The following SLC25A53 variants were observed in gnomAD, a reference collection of about 807,000 sequenced individuals.
SLC25A53 encodes the protein solute carrier family 25 member 53.
A neutral mutation model predicts 15.0 loss-of-function variants in SLC25A53; 5 were observed. That is an observed-to-expected ratio of 0.33 (90% confidence interval 0.17 to 0.70). The LOEUF is 0.70. Among genes scored for constraint, SLC25A53 ranks in the 30% least tolerant of loss-of-function variants. The pLI, the probability that SLC25A53 is intolerant of heterozygous loss-of-function variation, is 0.67. For synonymous variants in SLC25A53, 95 were observed against 100.0 expected (o/e 0.95, Z 0.30); for missense variants, 216 against 241.6 (o/e 0.89, Z 0.70).
intron 1 of SLC25A53, among the ~76,000 whole-genome samples, chrX:104,124,839 C>CTTTTTTT (rs34662574): frequency 1.1e-4 from 7 of 62,276 alleles, no homozygotes; most frequent in Non-Finnish European, 2.1e-4. Flanking sequence ...AACTTTTTTC[C>CTTTTTTT]TTTTTTTTTT....
rs1164319636 is a variant in SLC25A53 at position 104,105,184 on chromosome X, C to T, written c.74G>A (p.Ser25Asn). 8.3e-7 allele frequency: 1 copy of T among 1,210,864 alleles called. No homozygotes were observed. The highest frequency in any genetic ancestry group is 2.2e-5 in the Admixed American group (1 of 45,904). Residue 25 changes from serine (S) to asparagine (N), a missense_variant, in exon 2 of 2, where the codon AGC becomes AAC. By Grantham distance (46) the Ser-to-Asn change is conservative. Coordinates refer to ENST00000594199, the MANE Select transcript of SLC25A53 (RefSeq NM_001012755.5). The part of the protein sequence containing the change: ...RTRAEAPGKK[S>N]WHSQAYALGA... ...AAGGGCATAGGCCTGGGAATGCCAG[C>T]TTTTCTTTCCTGGAGCCTCTGCTCG...
At chrX:104,114,699 C>T (rs1556360610) in intron 1 of SLC25A53, 1 of 1,210,229 alleles carries the variant, frequency 8.3e-7, no homozygotes, top group Middle Eastern at 2.3e-4. Context: ...AGCATCTTCT[C>T]AGGATGTATG....
intron 1 of SLC25A53, among the ~76,000 whole-genome samples, chrX:104,142,515 T>C (rs188604754): frequency 1.9e-4 from 21 of 111,211 alleles, no homozygotes; most frequent in Non-Finnish European, 3.2e-4. Flanking sequence ...GTAGAAATCG[T>C]TTTTTATAAA....
chrX:104,106,672 G>C (rs782407411), intron 1 of SLC25A53, among the ~76,000 whole-genome samples: 51 of 111,322 alleles, frequency 4.6e-4, no homozygotes, highest in Non-Finnish European at 8.7e-4. Flanking sequence ...GCCACACACT[G>C]CAAGAAGCCC....
chrX:104,144,195 C>CG (rs1373624880), intron 1 of SLC25A53, among the ~76,000 whole-genome samples: 7 of 111,594 alleles, frequency 6.3e-5, no homozygotes, highest in Non-Finnish European at 1.3e-4. Context: ...CATCAACTAA[C>CG]GGGCAAAATA....
intron 1 of SLC25A53, among the ~76,000 whole-genome samples, chrX:104,152,578 C>T (rs1039106407): frequency 4.5e-5 from 5 of 110,999 alleles, no homozygotes; most frequent in Admixed American, 9.6e-5. Context: ...CCTGGGATTA[C>T]AGGCACCTGC....
intron 1 of SLC25A53, chrX:104,114,421 G>A (rs868947635): frequency 2.5e-6 from 3 of 1,210,036 alleles, no homozygotes; most frequent in Non-Finnish European, 3.4e-6. Context: ...GCTTCAGGCG[G>A]CCAACCCCAA....
chrX:104,143,092 G>A (rs2075455605), intron 1 of SLC25A53, among the ~76,000 whole-genome samples: 3 of 110,789 alleles, frequency 2.7e-5, no homozygotes, highest in African/African-American at 6.6e-5. Context: ...AAACCCCATC[G>A]GTAGGTCACG....
Position 104,139,964 on chromosome X carries a change from G to A in SLC25A53, c.-32+16914C>T, listed in dbSNP as rs184260674. On this transcript the variant is annotated intron_variant, in intron 1 of 1. Transcript: ENST00000594199. ...AACTTCTCACCAAACCTGTGAAGCA[G>A]GTAGATATTCCCATTTTACAAATAT... 6.2e-5 allele frequency among the ~76,000 whole-genome samples: 7 copies of A among 113,169 alleles called. No individual in the cohort carries two copies. In the East Asian group the frequency reaches 1.1e-3, roughly 18 times the overall value.
chrX:104,132,619 C>T (rs782752891), intron 1 of SLC25A53, among the ~76,000 whole-genome samples: 2 of 111,892 alleles, frequency 1.8e-5, no homozygotes, highest in African/African-American at 3.3e-5. Flanking sequence ...CAACTATACA[C>T]CCTGGACAAA....
At chrX:104,120,742 T>C (rs1163248235) in intron 1 of SLC25A53, among the ~76,000 whole-genome samples, 5 of 112,099 alleles carry the variant, frequency 4.5e-5, no homozygotes, top group African/African-American at 1.6e-4. Flanking sequence ...TCTTGTCCTA[T>C]TCCTGAACTC....
chrX:104,110,355 G>C (rs1307006550), intron 1 of SLC25A53, among the ~76,000 whole-genome samples: 1 of 111,292 alleles, frequency 9.0e-6, no homozygotes, highest in African/African-American at 3.3e-5. Flanking sequence ...ACACTTTCCA[G>C]CCTCCACCAC....
Position 104,104,782 on chromosome X carries a change from T to C in SLC25A53, c.476A>G (p.Lys159Arg), listed in dbSNP as rs1556354946. Residue 159 changes from lysine (K) to arginine (R), a missense_variant, in exon 2 of 2, where the codon AAG becomes AGG. Lys to Arg is a conservative substitution (Grantham distance 26). Transcript: ENST00000594199. The stretch of plus-strand genomic sequence containing the variant: ...CCAAAGCCCATAAGAATTGAATTCC[T>C]TGAGAATGCTGAAGGTGCTGGGGAA... ...ARFPSTFSIL[K>R]EFNSYGLWGR... is the part of the protein sequence containing the mutation. The C allele has an allele frequency of 8.3e-7, 1 of 1,211,529 alleles. No homozygotes were observed. The highest frequency in any genetic ancestry group is 2.2e-5 in the Admixed American group (1 of 46,023).
At chrX:104,119,255 TC>T (rs782066977) in intron 1 of SLC25A53, among the ~76,000 whole-genome samples, 87 of 112,427 alleles carry the variant, frequency 7.7e-4, no homozygotes, top group Middle Eastern at 4.6e-3. Flanking sequence ...TCTTCTTTAA[TC>T]GTATATTTTG....
chrX:104,155,001 T>C (rs1259828387), intron 1 of SLC25A53, among the ~76,000 whole-genome samples: 2 of 111,890 alleles, frequency 1.8e-5, no homozygotes, highest in Non-Finnish European at 3.8e-5. Flanking sequence ...ACTCTATAAA[T>C]GTATACAATT....
chrX:104,149,356 C>T (rs1480982332), intron 1 of SLC25A53, among the ~76,000 whole-genome samples: 1 of 112,740 alleles, frequency 8.9e-6, no homozygotes, highest in Non-Finnish European at 1.9e-5. Flanking sequence ...GCAGAGATAG[C>T]TTGTTTCTAC....
intron 1 of SLC25A53, among the ~76,000 whole-genome samples, chrX:104,153,263 T>TA (rs373497188): frequency 0.2 from 5,596 of 28,323 alleles, 190 homozygotes; most frequent in East Asian, 0.34. Flanking sequence ...TATATATATA[T>TA]TTTTTTTTTC....
At chrX:104,130,814 TCTTTCC>T (rs1475458723) in intron 1 of SLC25A53, 4 of 112,048 alleles carry the variant, frequency 3.6e-5, no homozygotes, top group Non-Finnish European at 7.5e-5. Flanking sequence ...CTCCATCAGA[TCTTTCC>T]CTTTCCAAGT....
At chrX:104,126,428 A>G (rs1265706627) in intron 1 of SLC25A53, among the ~76,000 whole-genome samples, 1 of 111,832 alleles carries the variant, frequency 8.9e-6, no homozygotes, top group Non-Finnish European at 1.9e-5. Flanking sequence ...CTAAGGTGAG[A>G]GCATCACTTG....
Sources: gnomAD v4.1 joint callset for allele counts (sites outside exome capture counted in the v4.1 genomes callset) on GRCh38, gnomAD v4.1.1 for gene constraint, MANE v1.5 for transcripts, NCBI Gene and HGNC (gene_info 2026-07-23, HGNC 2026-07-21) for gene names.